Variants in OTOGL observed in about 807,000 individuals in gnomAD.
OTOGL encodes otogelin like, also known as otogelin-like protein.
OTOGL carries 285 observed loss-of-function variants against 318.5 expected under a neutral mutation model. That is an observed-to-expected ratio of 0.89 (90% confidence interval 0.81 to 0.99). The LOEUF (loss-of-function observed/expected upper bound fraction) is 0.99, where lower values mean the gene tolerates loss of function less well. OTOGL is among the 50% of genes least tolerant of loss of function. The pLI, the probability that OTOGL is intolerant of heterozygous loss-of-function variation, is 0.00. For synonymous variants in OTOGL, 987 were observed against 936.5 expected, an observed-to-expected ratio of 1.05 and a Z score of -0.99; for missense variants, 2,899 against 2,845.6, an observed-to-expected ratio of 1.02 and a Z score of -0.43.
intron 53 of OTOGL, among the ~76,000 whole-genome samples, chr12:80,367,214 A>G (rs890981428): frequency 1.3e-5 from 2 of 150,916 alleles, no homozygotes; most frequent in African/African-American, 2.4e-5. Context: ...GTCTCTAGCA[A>G]TCCTCTCACT....
chr12:80,191,258 C>A (rs1056690686), intron 1 of OTOGL, among the ~76,000 whole-genome samples: 2 of 152,068 alleles, frequency 1.3e-5, no homozygotes, highest in African/African-American at 2.4e-5. Flanking sequence ...GCCAATATGG[C>A]CAAACCCCGT....
intron 1 of OTOGL, among the ~76,000 whole-genome samples, chr12:80,116,130 G>T (rs1317037940): frequency 2.0e-5 from 3 of 152,174 alleles, no homozygotes; most frequent in Non-Finnish European, 4.4e-5. Flanking sequence ...CTCGGTATCT[G>T]CCCAAATGGC....
chr12:80,151,269 C>CTT (rs1872764995), intron 1 of OTOGL, among the ~76,000 whole-genome samples: 1 of 152,118 alleles, frequency 6.6e-6, no homozygotes, highest in South Asian at 2.1e-4. Flanking sequence ...AAGAGGCAAA[C>CTT]TAAGATTTGA....
chr12:80,149,784 A>C (rs946796499), intron 1 of OTOGL, among the ~76,000 whole-genome samples: 16 of 152,302 alleles, frequency 1.1e-4, no homozygotes, highest in East Asian at 3.9e-4. Context: ...ACCGTTTTTT[A>C]AGCCCGTCGG....
At chr12:80,305,529 G>A in intron 28 of OTOGL, 47 bp from the exon 29 acceptor site, 4 of 1,376,700 alleles carry the variant, frequency 2.9e-6, no homozygotes, top group Non-Finnish European at 3.8e-6. Flanking sequence ...GTCTTTAAAT[G>A]TTAAAGTGAA....
chr12:80,358,735 A>T lies in OTOGL; in HGVS notation c.6186A>T (p.Lys2062Asn). The T allele has an allele frequency of 6.2e-7, 1 of 1,613,090 alleles. No individual in the cohort carries two copies. Residue 2062 changes from lysine to asparagine, a missense_variant, in exon 51 of 59, where the codon AAA (lysine) becomes AAT (asparagine). Lys to Asn is a moderately conservative substitution (Grantham distance 94). Coordinates refer to ENST00000547103, the MANE Select transcript of OTOGL (RefSeq NM_001378609.3). ...LNCAEDMNLVKENVSGQCCPT... is the reference protein window; with the variant it reads ...LNCAEDMNLVNENVSGQCCPT... ...GTGCAGAAGATATGAATCTTGTGAA[A>T]GAAAATGTATCTGGTCAATGTTGCC...
intron 35 of OTOGL, among the ~76,000 whole-genome samples, chr12:80,325,984 G>T (rs546192672): frequency 3.3e-5 from 5 of 152,256 alleles, no homozygotes; most frequent in Admixed American, 1.3e-4. Flanking sequence ...GTATGTTTGG[G>T]ATGCAGAGAA....
Position 80,318,560 on chromosome 12 carries a change from C to A in OTOGL, c.3649C>A (p.Pro1217Thr). The change falls in exon 33 of 59, where the codon CCA becomes ACA. Residue 1217 changes from proline to threonine, a missense_variant. Around this residue, in one of 3 missense-constraint regions of OTOGL, gnomAD observed 2,607 missense variants for 2,524.9 expected, o/e 1.03. Coordinates refer to ENST00000547103, the MANE Select transcript of OTOGL (RefSeq NM_001378609.3). ...EYYNEGLGEG[P>T]YMLASYGQSG... Reference sequence around the variant, plus strand: ...TATTTAACTAGGACTTGGAGAAGGACCATATATGCTGGCAAGCTATGGGCA... The same window carrying A: ...TATTTAACTAGGACTTGGAGAAGGAACATATATGCTGGCAAGCTATGGGCA... The A allele has an allele frequency of 2.2e-6, 3 of 1,353,864 alleles. No homozygotes were observed. Among genetic ancestry groups the A allele is most frequent in the Non-Finnish European group, 2.9e-6 (3 of 1,049,276 alleles). The allele number at this position is 1,353,864 out of a possible 1,614,324, so 83.9% of individuals were successfully genotyped here. A position where few individuals can be genotyped will look rare whatever the true frequency, so the allele number is the denominator to read the frequency against.
At chr12:80,138,340 T>C (rs1228627128) in intron 1 of OTOGL, among the ~76,000 whole-genome samples, 1 of 152,208 alleles carries the variant, frequency 6.6e-6, no homozygotes, top group Non-Finnish European at 1.5e-5. Flanking sequence ...GTGATCATAA[T>C]ATCTCTAATA....
intron 44 of OTOGL, among the ~76,000 whole-genome samples, chr12:80,350,797 G>A (rs1889494803): frequency 6.6e-6 from 1 of 151,996 alleles, no homozygotes; most frequent in Admixed American, 6.6e-5. Context: ...ATGTATTTTG[G>A]ATATTAACCC....
intron 1 of OTOGL, among the ~76,000 whole-genome samples, chr12:80,201,252 G>A (rs894741155): frequency 1.3e-5 from 2 of 152,094 alleles, no homozygotes; most frequent in Admixed American, 6.6e-5. Flanking sequence ...CTGAGACTGG[G>A]CAATTTACAA....
chr12:80,302,985 A>G (rs1169160389), intron 28 of OTOGL, among the ~76,000 whole-genome samples: 3 of 152,168 alleles, frequency 2.0e-5, no homozygotes, highest in Non-Finnish European at 4.4e-5. Context: ...TTAACCTTGC[A>G]GTATCCAGTT....
intron 1 of OTOGL, among the ~76,000 whole-genome samples, chr12:80,147,086 C>T (rs2137156947): frequency 6.6e-6 from 1 of 151,398 alleles, no homozygotes; most frequent in South Asian, 2.1e-4. Context: ...TTATTTCTTG[C>T]CTTCTGCTAG....
chr12:80,321,280 A>G (rs1056310071), intron 34 of OTOGL, among the ~76,000 whole-genome samples: 1 of 152,178 alleles, frequency 6.6e-6, no homozygotes, highest in African/African-American at 2.4e-5. Context: ...TTTAAAAGTC[A>G]TGCTTTCTTT....
intron 52 of OTOGL, chr12:80,366,257 G>T (rs1385103846): frequency 4.5e-6 from 2 of 440,452 alleles, no homozygotes; most frequent in Non-Finnish European, 9.2e-6. Flanking sequence ...TTGCTGATGT[G>T]TATACTATAG....
At chr12:80,219,130 G>A (rs1878033302) in intron 5 of OTOGL, among the ~76,000 whole-genome samples, 1 of 149,092 alleles carries the variant, frequency 6.7e-6, no homozygotes, top group Non-Finnish European at 1.5e-5. Flanking sequence ...TGTTGTTGTT[G>A]AGACAGAGTC....
intron 52 of OTOGL, among the ~76,000 whole-genome samples, chr12:80,360,771 C>T (rs1428279270): frequency 6.6e-6 from 1 of 152,016 alleles, no homozygotes; most frequent in Non-Finnish European, 1.5e-5. Flanking sequence ...TGAGCCACCG[C>T]GCCTGGCTGG....
At chr12:80,185,050 A>G (rs763105172) in intron 1 of OTOGL, among the ~76,000 whole-genome samples, 1 of 152,198 alleles carries the variant, frequency 6.6e-6, no homozygotes, top group Non-Finnish European at 1.5e-5. Flanking sequence ...TATCCTCTAT[A>G]TATGGAGGCA....
intron 22 of OTOGL, among the ~76,000 whole-genome samples, chr12:80,268,633 A>G (rs977581585): frequency 6.6e-6 from 1 of 152,174 alleles, no homozygotes; most frequent in Non-Finnish European, 1.5e-5. Context: ...CCAGAGCTCC[A>G]GGAATCATTT....
Sources: allele counts gnomAD v4.1 joint callset (sites outside exome capture counted in the v4.1 genomes callset), GRCh38; gene constraint gnomAD v4.1.1; regional missense constraint gnomAD v4.1.1; transcripts MANE v1.5; gene names NCBI Gene and HGNC (gene_info 2026-07-23, HGNC 2026-07-21).